SCN3A: variants seen among roughly 807,000 people sequenced by gnomAD.
The protein encoded by SCN3A is sodium channel protein type 3 subunit alpha.
Under a neutral mutation model 187.6 loss-of-function variants are expected in SCN3A, and 60 were observed. The observed-to-expected ratio is 0.32, with a 90% CI of 0.26 to 0.40. SCN3A has a LOEUF of 0.40. SCN3A is among the 10% of genes least tolerant of loss of function. The probability of loss-of-function intolerance (pLI) is 1.00; values close to 1 mark genes in which losing one functional copy is unlikely to be tolerated. For missense variants in SCN3A, 1,601 were observed against 2,428.2 expected (o/e 0.66, Z 7.16); for synonymous variants, 788 against 829.2 (o/e 0.95, Z 0.85).
At chr2:165,103,620 C>A (rs1050260856) in intron 21 of SCN3A, among the ~76,000 whole-genome samples, 1 of 152,112 alleles carries the variant, frequency 6.6e-6, no homozygotes, top group African/African-American at 2.4e-5. Context: ...GTCATCCACA[C>A]CTTTCCACAT....
intron 9 of SCN3A, among the ~76,000 whole-genome samples, chr2:165,160,667 G>T (rs962508997): frequency 2.0e-5 from 3 of 151,724 alleles, no homozygotes; most frequent in African/African-American, 7.3e-5. Context: ...GGGGGACAGG[G>T]TCTCGCTTTG....
chr2:165,139,800 T>C lies in SCN3A; in HGVS notation c.2020-192A>G, dbSNP rs773774970. ...AAAAGTTATCACAGGTAGTACTCTT[T>C]AAGAGGAATTCACCAGTGGGATGCA... is the stretch of plus-strand genomic sequence containing the variant. On this transcript the variant is annotated intron_variant, in intron 13 of 27. Transcript: ENST00000283254. 1.0e-3 allele frequency: 632 copies of C among 615,308 alleles called. 1 individual carries two copies. The highest frequency in any genetic ancestry group is 1.7e-3 in the South Asian group (84 of 50,184). The allele number at this position is 615,308 out of a possible 1,614,324, so 38.1% of individuals were successfully genotyped here. A position where few individuals can be genotyped will look rare whatever the true frequency, so the allele number is the denominator to read the frequency against.
intron 9 of SCN3A, among the ~76,000 whole-genome samples, chr2:165,160,265 T>C (rs1689278257): frequency 6.6e-6 from 1 of 152,190 alleles, no homozygotes; most frequent in African/African-American, 2.4e-5. Context: ...TTCTACATTA[T>C]GGTGACTTGT....
chr2:165,129,982 G>T lies in SCN3A; in HGVS notation c.2880C>A (p.Cys960Ter), dbSNP rs1553522927. Residue 960 changes from cysteine to a stop codon, truncating the protein, a stop_gained, in exon 17 of 28, where the codon TGC (cysteine) becomes TGA (stop). Coordinates refer to ENST00000283254, the MANE Select transcript of SCN3A (RefSeq NM_006922.4). LOFTEE classifies it high-confidence loss of function. The stretch of plus-strand genomic sequence containing the variant: ...CCATGACCAACATGAAAACAATAAG[G>T]CACATGGTTTGGCCAGCGACCTCCA... The part of the protein sequence containing the change: ...DCMEVAGQTM[C>*]LIVFMLVMVI... The T allele has an allele frequency of 6.2e-7, 1 of 1,614,074 alleles. No individual in the cohort carries two copies. Among genetic ancestry groups the T allele is most frequent in the Non-Finnish European group, 8.5e-7 (1 of 1,180,016 alleles).
At chr2:165,151,920 G>A (rs554425599) in intron 11 of SCN3A, among the ~76,000 whole-genome samples, 1 of 152,234 alleles carries the variant, frequency 6.6e-6, no homozygotes, top group African/African-American at 2.4e-5. Flanking sequence ...ATGCGCATTG[G>A]GTAGAGTATT....
At chr2:165,163,741 T>G (rs773493617) in intron 6 of SCN3A, 32 bp from the exon 7 acceptor site, 3 of 1,613,672 alleles carry the variant, frequency 1.9e-6, no homozygotes, top group Non-Finnish European at 2.5e-6. Context: ...ACAAACACAA[T>G]AACACACAAG....
chr2:165,090,146 CT>C lies in SCN3A; in HGVS notation c.*3del, dbSNP rs1685006508. 9 of 1,569,566 alleles carry C rather than the reference CT, an allele frequency of 5.7e-6. No homozygotes were observed. Among genetic ancestry groups the C allele is most frequent in the Admixed American group, 1.9e-5 (1 of 52,924 alleles). On this transcript the variant is annotated 3_prime_UTR_variant, in exon 28 of 28. Coordinates refer to ENST00000283254, the MANE Select transcript of SCN3A (RefSeq NM_006922.4). The surrounding 1 kb of genome is among the most constrained non-coding windows in gnomAD (Gnocchi z 4.0). ...TGATCACAAAGATAATTCTTTGTTT[CT>C]TTTTACTTTTGATTTTCTCTGACCT...
At chr2:165,153,789 T>C (rs6432811) in intron 11 of SCN3A, among the ~76,000 whole-genome samples, 110,885 of 151,776 alleles carry the variant, frequency 0.73, 40,641 homozygotes, top group East Asian at 0.84. Context: ...TATATATTCG[T>C]GAGTCTTCAC....
At chr2:165,189,007 A>G (rs1186873175) in intron 1 of SCN3A, among the ~76,000 whole-genome samples, 2 of 152,140 alleles carry the variant, frequency 1.3e-5, no homozygotes, top group Non-Finnish European at 2.9e-5. Context: ...AGGAATGAGT[A>G]AAGAATATGA....
chr2:165,092,304 G>A lies in SCN3A; in HGVS notation c.4757C>T (p.Thr1586Ile), dbSNP rs778468833. ...KLVSLRHYYF[T>I]IGWNIFDFVV... ...AAAGTCAAAGATGTTCCAGCCTATAGTGAAGTAGTAGTGTCTGAGGGAGAC... is the reference window on the plus strand; with the variant it reads ...AAAGTCAAAGATGTTCCAGCCTATAATGAAGTAGTAGTGTCTGAGGGAGAC... The change falls in exon 27 of 28, where the codon ACT (threonine) becomes ATT (isoleucine). Residue 1586 changes from threonine to isoleucine, a missense_variant. Transcript: ENST00000283254. This position sits in a 1 kb window ranked among gnomAD's most constrained non-coding sequence, Gnocchi z 4.2. The A allele has an allele frequency of 6.2e-7, 1 of 1,613,858 alleles. No homozygotes were observed. Among genetic ancestry groups the A allele is most frequent in the Non-Finnish European group, 8.5e-7 (1 of 1,179,928 alleles).
In SCN3A at chr2:165,162,386, A is replaced by T. The variant is rs771690212; in HGVS notation, c.968-15T>A. On this transcript the variant is annotated splice_polypyrimidine_tract_variant and intron_variant, in intron 8 of 27. Transcript: ENST00000283254. Reference sequence around the variant, plus strand: ...ATAAAAGTGACCTGTTAATACAAAAAAAAACCCATTTTATTTCATATTAAT... The same window carrying T: ...ATAAAAGTGACCTGTTAATACAAAATAAAACCCATTTTATTTCATATTAAT... The T allele has an allele frequency of 1.9e-6, 3 of 1,612,826 alleles. No individual in the cohort carries two copies.
At chr2:165,197,552 C>T (rs771959784) in intron 1 of SCN3A, among the ~76,000 whole-genome samples, 59 of 150,192 alleles carry the variant, frequency 3.9e-4, no homozygotes, top group Admixed American at 6.6e-5. Context: ...TGTTTTCTTT[C>T]AGTATGTTTG....
intron 9 of SCN3A, among the ~76,000 whole-genome samples, chr2:165,159,937 C>T (rs1201357388): frequency 7.5e-6 from 1 of 132,996 alleles, no homozygotes; most frequent in East Asian, 3.0e-4. Flanking sequence ...TGAGACCATC[C>T]TGGCTAACAT....
At chr2:165,182,770 G>C (rs1279320310) in intron 2 of SCN3A, among the ~76,000 whole-genome samples, 8 of 152,062 alleles carry the variant, frequency 5.3e-5, no homozygotes, top group Non-Finnish European at 1.2e-4. Flanking sequence ...TTAAAATATG[G>C]ATCTGAGACT....
intron 18 of SCN3A, among the ~76,000 whole-genome samples, chr2:165,121,048 G>A (rs891253434): frequency 2.0e-5 from 3 of 150,942 alleles, no homozygotes; most frequent in Admixed American, 1.3e-4. Context: ...AAAAGTATTC[G>A]TCTGAACCAG....
chr2:165,190,936 C>G (rs972469792), intron 1 of SCN3A, among the ~76,000 whole-genome samples: 2 of 151,926 alleles, frequency 1.3e-5, no homozygotes, highest in Non-Finnish European at 2.9e-5. Flanking sequence ...TGGGCTCCAC[C>G]CCAGGTATAT....
At chr2:165,146,303 G>A (rs188149557) in intron 12 of SCN3A, among the ~76,000 whole-genome samples, 1 of 151,504 alleles carries the variant, frequency 6.6e-6, no homozygotes, top group African/African-American at 2.4e-5. Context: ...TTTATCTGGG[G>A]TCTCAAAATG....
At chr2:165,200,331 C>T (rs913723698) in intron 1 of SCN3A, among the ~76,000 whole-genome samples, 1 of 151,880 alleles carries the variant, frequency 6.6e-6, no homozygotes, top group Admixed American at 6.6e-5. Context: ...AATTCCCAAC[C>T]TTCAGTGAGT....
rs570672870 is a variant in SCN3A at position 165,090,627 on chromosome 2, G to C, written c.5526C>G (p.Val1842=). ...CAAGACAGTGGATCCGGTCACCACT[G>C]ACCATGGGCAGATCCATGGCAATAA... is the stretch of plus-strand genomic sequence containing the variant. The part of the protein sequence containing the change: ...VQLIAMDLPM[V]SGDRIHCLDI... The change falls in exon 28 of 28, where the codon GTC becomes GTG. Residue 1842 remains valine, a synonymous_variant. Transcript: ENST00000283254. This position sits in a 1 kb window ranked among gnomAD's most constrained non-coding sequence, Gnocchi z 4.0. The C allele has an allele frequency of 8.1e-6, 13 of 1,614,084 alleles. No homozygotes were observed. The highest frequency in any genetic ancestry group is 4.5e-5 in the East Asian group (2 of 44,870).
Sources: gnomAD v4.1 joint callset for allele counts (sites outside exome capture counted in the v4.1 genomes callset) on GRCh38, gnomAD v4.1.1 for gene constraint, Gnocchi (gnomAD v3.1) non-coding constraint, MANE v1.5 for transcripts, NCBI Gene and HGNC (gene_info 2026-07-23, HGNC 2026-07-21) for gene names.